Variants in ULK4 observed in about 807,000 individuals in gnomAD.
The protein encoded by ULK4 is unc-51 like kinase 4.
A neutral mutation model predicts 160.6 loss-of-function variants in ULK4; 133 were observed. That is an observed-to-expected ratio of 0.83 (90% CI 0.72 to 0.96). The LOEUF is 0.96. Ranked by LOEUF, ULK4 falls within the 40% of genes least tolerant of loss-of-function variation. The pLI, the probability that ULK4 is intolerant of heterozygous loss-of-function variation, is 0.00. For missense variants in ULK4, 1,580 were observed against 1,499.5 expected, an observed-to-expected ratio of 1.05 and a Z score of -0.89; for synonymous variants, 534 against 539.8, an observed-to-expected ratio of 0.99 and a Z score of 0.15.
At chr3:41,378,312 C>G (rs2081559190) in intron 35 of ULK4, among the ~76,000 whole-genome samples, 1 of 150,962 alleles carries the variant, frequency 6.6e-6, no homozygotes, top group Non-Finnish European at 1.5e-5. Flanking sequence ...CAGCATGGCA[C>G]ATGTATACAT....
At chr3:41,688,020 C>A (rs1466784825) in intron 27 of ULK4, 2 of 152,252 alleles carry the variant, frequency 1.3e-5, no homozygotes, top group South Asian at 2.1e-4. Context: ...CACTCCCCAC[C>A]CGGAAGTTAA....
At chr3:41,276,195 T>C (rs2079226053) in intron 35 of ULK4, among the ~76,000 whole-genome samples, 1 of 152,228 alleles carries the variant, frequency 6.6e-6, no homozygotes, top group African/African-American at 2.4e-5. Flanking sequence ...CATTCTCCTA[T>C]AGTTATCTGA....
chr3:41,844,069 C>G (rs1311855950), intron 17 of ULK4, among the ~76,000 whole-genome samples: 3 of 152,214 alleles, frequency 2.0e-5, no homozygotes, highest in Non-Finnish European at 1.5e-5. Context: ...AAAGGTTCTG[C>G]AAGTCCCCAC....
intron 27 of ULK4, 48 bp downstream of exon 27, chr3:41,705,009 A>C: frequency 1.4e-6 from 2 of 1,475,972 alleles, no homozygotes; most frequent in South Asian, 2.5e-5. Flanking sequence ...ATAAGGAATT[A>C]CCAAGTAAAT....
rs1320994875 is a variant in ULK4 at position 41,463,239 on chromosome 3, T to C, written c.3241A>G (p.Ile1081Val). ...LLYEQGLVSH[I>V]CNLLTETATL... is the part of the protein sequence containing the mutation. Reference sequence around the variant, plus strand: ...GCAGTTTCAGTGAGCAGGTTACAGATGTGACTGACAAGTCCTGAGGGTAAA... The same window carrying C: ...GCAGTTTCAGTGAGCAGGTTACAGACGTGACTGACAAGTCCTGAGGGTAAA... Residue 1081 changes from isoleucine to valine, a missense_variant, in exon 33 of 37, where the codon ATC (isoleucine) becomes GTC (valine). Physicochemically the swap from Ile to Val is conservative, Grantham distance 29. Coordinates refer to ENST00000301831, the MANE Select transcript of ULK4 (RefSeq NM_017886.4). 1 of 1,613,084 alleles carries C rather than the reference T, an allele frequency of 6.2e-7. No homozygotes were observed. The highest frequency in any genetic ancestry group is 1.1e-5 in the South Asian group (1 of 90,972).
intron 32 of ULK4, among the ~76,000 whole-genome samples, chr3:41,561,891 G>A (rs920528004): frequency 2.6e-5 from 4 of 152,026 alleles, no homozygotes; most frequent in African/African-American, 9.7e-5. Flanking sequence ...GTTATTTCTT[G>A]CCTTCTGCTA....
At chr3:41,914,384 T>G (rs1467928393) in intron 8 of ULK4, among the ~76,000 whole-genome samples, 1 of 152,234 alleles carries the variant, frequency 6.6e-6, no homozygotes, top group East Asian at 1.9e-4. Context: ...TGTATTTTCA[T>G]CCATCAAACT....
At chr3:41,474,326 C>A (rs997967497) in intron 32 of ULK4, among the ~76,000 whole-genome samples, 1 of 151,996 alleles carries the variant, frequency 6.6e-6, no homozygotes, top group Non-Finnish European at 1.5e-5. Flanking sequence ...AAAACTGGAC[C>A]CTTATCCTCA....
chr3:41,472,882 T>C (rs1162418761), intron 32 of ULK4, among the ~76,000 whole-genome samples: 1 of 152,204 alleles, frequency 6.6e-6, no homozygotes, highest in Admixed American at 6.5e-5. Flanking sequence ...AATAAAATGC[T>C]AATAAACTGA....
intron 21 of ULK4, among the ~76,000 whole-genome samples, chr3:41,767,258 T>C (rs2039197952): frequency 6.6e-6 from 1 of 152,228 alleles, no homozygotes; most frequent in African/African-American, 2.4e-5. Context: ...ACAAAAACTC[T>C]GCAAAATACC....
intron 22 of ULK4, among the ~76,000 whole-genome samples, chr3:41,748,587 T>C (rs1489077084): frequency 5.3e-5 from 8 of 152,164 alleles, no homozygotes; most frequent in African/African-American, 1.9e-4. Context: ...TATAAAACAT[T>C]TACATGGTTC....
chr3:41,568,003 T>C (rs1247396137), intron 31 of ULK4, among the ~76,000 whole-genome samples: 2 of 152,166 alleles, frequency 1.3e-5, no homozygotes, highest in African/African-American at 4.8e-5. Context: ...CTACAGACTA[T>C]TCAAGTGGCA....
chr3:41,778,151 C>A (rs1220128354), intron 21 of ULK4, among the ~76,000 whole-genome samples: 1 of 120,904 alleles, frequency 8.3e-6, no homozygotes, highest in African/African-American at 4.2e-5. Context: ...GATACAAAAT[C>A]AATGTACAAA....
intron 32 of ULK4, among the ~76,000 whole-genome samples, chr3:41,525,592 G>A (rs76227938): frequency 0.044 from 6,645 of 152,172 alleles, 204 homozygotes; most frequent in Non-Finnish European, 0.066. Context: ...TCCCATCATC[G>A]CTCCCTTACT....
rs71075470 is a variant in ULK4 at position 41,506,767 on chromosome 3, AATATAT to A, written c.3227-43520_3227-43515del. ...AGCAATACACTGGAGTGTGATTTAA[AATATAT>A]ATATATATATATATATATATATATA... On this transcript the variant is annotated intron_variant, in intron 32 of 36. Coordinates refer to ENST00000301831, the MANE Select transcript of ULK4 (RefSeq NM_017886.4). 5.6e-3 allele frequency among the ~76,000 whole-genome samples: 316 copies of A among 56,788 alleles called. 21 individuals are homozygous for A. Among genetic ancestry groups the A allele is most frequent in the African/African-American group, 0.025 (300 of 12,242 alleles). 37.3% of individuals were successfully genotyped at this position (56,788 alleles called of 152,430 possible). A position where few individuals can be genotyped will look rare whatever the true frequency, so the allele number is the denominator to read the frequency against.
Position 41,307,585 on chromosome 3 carries a change from T to G in ULK4, c.3679-58011A>C, listed in dbSNP as rs527986117. On this transcript the variant is annotated intron_variant, in intron 35 of 36. Coordinates refer to ENST00000301831, the MANE Select transcript of ULK4 (RefSeq NM_017886.4). ...GCTCACACCTGTAATCCAAGCACTT[T>G]AGGAGCCAAGGCAGGAGGATTCCTT... Among the ~76,000 whole-genome samples the G allele has an allele frequency of 2.6e-5, 4 of 152,238 alleles. No individual in the cohort carries two copies. In the South Asian group the frequency reaches 8.3e-4, roughly 32 times the overall value.
chr3:41,554,954 T>C (rs1352299493), intron 32 of ULK4, among the ~76,000 whole-genome samples: 1 of 151,960 alleles, frequency 6.6e-6, no homozygotes, highest in Non-Finnish European at 1.5e-5. Context: ...AACTGAAATA[T>C]ATATGGAAAA....
chr3:41,753,355 G>A (rs997407884), intron 22 of ULK4, among the ~76,000 whole-genome samples: 1 of 152,086 alleles, frequency 6.6e-6, no homozygotes, highest in African/African-American at 2.4e-5. Flanking sequence ...CCCTAATCTA[G>A]ATCAATCTCA....
chr3:41,249,511 C>G lies in ULK4; in HGVS notation c.3742G>C (p.Glu1248Gln), dbSNP rs1461429964. The part of the protein sequence containing the change: ...KNAGSLLRAL[E>Q]RLAPGSGSFA... Reference sequence around the variant, plus strand: ...TACCCACTCCCAGGGGCCAGCCGCTCCAGAGCCCGCAGGAGGCTGCCTGCA... The same window carrying G: ...TACCCACTCCCAGGGGCCAGCCGCTGCAGAGCCCGCAGGAGGCTGCCTGCA... The change falls in exon 36 of 37, where the codon GAG (glutamate) becomes CAG (glutamine). Residue 1248 changes from glutamate (E) to glutamine (Q), a missense_variant. Coordinates refer to ENST00000301831, the MANE Select transcript of ULK4 (RefSeq NM_017886.4). The G allele has an allele frequency of 1.2e-6, 2 of 1,614,026 alleles. No homozygotes were observed. The highest frequency in any genetic ancestry group is 2.2e-5 in the South Asian group (2 of 91,040).
Sources: gnomAD v4.1 joint callset for allele counts (sites outside exome capture counted in the v4.1 genomes callset) on GRCh38, gnomAD v4.1.1 for gene constraint, MANE v1.5 for transcripts, NCBI Gene and HGNC (gene_info 2026-07-23, HGNC 2026-07-21) for gene names.